Variants in RBFOX1 observed in about 807,000 individuals in gnomAD.
RBFOX1 encodes the protein RNA binding fox-1 homolog 1, also known as RNA binding protein fox-1 homolog 1.
A neutral mutation model predicts 57.7 loss-of-function variants in RBFOX1; 8 were observed. The ratio of observed to expected loss-of-function variants is 0.14; its 90% CI spans 0.08 to 0.25. RBFOX1 has a LOEUF of 0.25. Ranked by LOEUF, RBFOX1 falls within the 10% of genes least tolerant of loss-of-function variation. The pLI is 1.00. For missense variants in RBFOX1, 611 were observed against 548.5 expected, an observed-to-expected ratio of 1.11 and a Z score of -1.14; for synonymous variants, 326 against 222.4, an observed-to-expected ratio of 1.47 and a Z score of -4.15.
chr16:7,260,519 C>G (rs1023675084), intron 4 of RBFOX1, among the ~76,000 whole-genome samples: 12 of 152,082 alleles, frequency 7.9e-5, no homozygotes, highest in African/African-American at 2.9e-4. Context: ...TTAACTGCTT[C>G]TAGTCTCCCT....
intron 1 of RBFOX1, among the ~76,000 whole-genome samples, chr16:6,043,517 A>G (rs2343568): frequency 0.3 from 45,730 of 152,086 alleles, 7,416 homozygotes; most frequent in Non-Finnish European, 0.37. Flanking sequence ...AATGATTTCT[A>G]TTTGAATGCT....
chr16:5,369,501 A>G (rs987020469), intron 1 of RBFOX1, among the ~76,000 whole-genome samples: 11 of 152,124 alleles, frequency 7.2e-5, no homozygotes, highest in Non-Finnish European at 1.5e-4. Context: ...CACCTCATTT[A>G]ATGCTGAGGA....
intron 3 of RBFOX1, among the ~76,000 whole-genome samples, chr16:6,665,925 A>C (rs1046283505): frequency 2.0e-5 from 3 of 152,090 alleles, no homozygotes; most frequent in African/African-American, 7.2e-5. Context: ...GAGCTCCCAT[A>C]ATTCCCACAT....
At chr16:6,395,010 G>C (rs1596538630) in intron 2 of RBFOX1, among the ~76,000 whole-genome samples, 1 of 152,160 alleles carries the variant, frequency 6.6e-6, no homozygotes, top group Non-Finnish European at 1.5e-5. Context: ...GATAATCAGG[G>C]AAATTAAATG....
At chr16:6,083,970 G>T (rs1249918683) in intron 1 of RBFOX1, among the ~76,000 whole-genome samples, 1 of 152,136 alleles carries the variant, frequency 6.6e-6, no homozygotes, top group East Asian at 1.9e-4. Context: ...TTTTGATTTT[G>T]TTATTCAAAA....
At chr16:6,086,567 C>T (rs556453540) in intron 1 of RBFOX1, among the ~76,000 whole-genome samples, 2 of 152,086 alleles carry the variant, frequency 1.3e-5, no homozygotes, top group Admixed American at 6.6e-5. Context: ...TAGTACCTGA[C>T]GTGAAATGGA....
chr16:7,303,824 C>G (rs1204438508), intron 4 of RBFOX1, among the ~76,000 whole-genome samples: 2 of 151,086 alleles, frequency 1.3e-5, no homozygotes, highest in East Asian at 2.0e-4. Flanking sequence ...CTCTCTACCT[C>G]CGTCCCACCC....
chr16:7,031,331 C>T (rs1210213489), intron 3 of RBFOX1, among the ~76,000 whole-genome samples: 2 of 152,176 alleles, frequency 1.3e-5, no homozygotes, highest in Admixed American at 1.3e-4. Context: ...TGCTATGGCT[C>T]ATACCTGTAA....
intron 4 of RBFOX1, among the ~76,000 whole-genome samples, chr16:7,428,121 A>C (rs1005526467): frequency 5.3e-5 from 8 of 152,036 alleles, no homozygotes; most frequent in African/African-American, 1.9e-4. Context: ...TCCAAATCTG[A>C]ACTCCTTATA....
intron 4 of RBFOX1, among the ~76,000 whole-genome samples, chr16:7,446,653 C>T (rs900022670): frequency 1.3e-5 from 2 of 152,106 alleles, no homozygotes; most frequent in African/African-American, 4.8e-5. Flanking sequence ...CTTCTCTTTA[C>T]ACCAGCAGCC....
At chr16:6,904,654 C>T (rs940775219) in intron 3 of RBFOX1, among the ~76,000 whole-genome samples, 1 of 129,336 alleles carries the variant, frequency 7.7e-6, no homozygotes, top group African/African-American at 2.9e-5. Flanking sequence ...AAAATTCATA[C>T]ATCTTGTACC....
intron 1 of RBFOX1, among the ~76,000 whole-genome samples, chr16:6,020,577 G>A (rs1432437915): frequency 6.6e-6 from 1 of 152,142 alleles, no homozygotes; most frequent in Non-Finnish European, 1.5e-5. Context: ...GGGGCCAGCC[G>A]GGAAACCTGC....
intron 2 of RBFOX1, among the ~76,000 whole-genome samples, chr16:6,349,033 C>A (rs2085842121): frequency 1.3e-5 from 2 of 152,168 alleles, no homozygotes; most frequent in African/African-American, 2.4e-5. Flanking sequence ...GATCTTACAG[C>A]AGACTTCTTC....
At chr16:7,307,543 T>A (rs1045577354) in intron 4 of RBFOX1, among the ~76,000 whole-genome samples, 6 of 152,352 alleles carry the variant, frequency 3.9e-5, no homozygotes, top group African/African-American at 1.2e-4. Flanking sequence ...TATGTCCCAA[T>A]AACTTTTATC....
chr16:5,514,516 C>T (rs972860930), intron 2 of RBFOX1, among the ~76,000 whole-genome samples: 5 of 152,238 alleles, frequency 3.3e-5, no homozygotes, highest in Non-Finnish European at 7.4e-5. Context: ...TGAGAGGAGC[C>T]ATGAGTGACA....
intron 5 of RBFOX1, among the ~76,000 whole-genome samples, chr16:7,531,965 G>A (rs1253179402): frequency 6.6e-6 from 1 of 152,032 alleles, no homozygotes; most frequent in Non-Finnish European, 1.5e-5. Flanking sequence ...ATACCATTTG[G>A]CAAGCTCACA....
intron 3 of RBFOX1, among the ~76,000 whole-genome samples, chr16:7,030,998 A>C (rs1011125499): frequency 6.6e-6 from 1 of 152,236 alleles, no homozygotes; most frequent in African/African-American, 2.4e-5. Flanking sequence ...ATGATCCTGC[A>C]GAAAGAGGAC....
At chr16:5,481,755 A>G (rs2069551209) in intron 2 of RBFOX1, among the ~76,000 whole-genome samples, 1 of 152,184 alleles carries the variant, frequency 6.6e-6, no homozygotes, top group East Asian at 1.9e-4. Flanking sequence ...GGCTGCGAGT[A>G]TGAGACCAAG....
intron 1 of RBFOX1, among the ~76,000 whole-genome samples, chr16:6,273,340 GTT>G (rs544640090): frequency 0.019 from 1,685 of 89,892 alleles, 8 homozygotes; most frequent in African/African-American, 0.025. Flanking sequence ...GTTGTTGTTG[GTT>G]TTTTTTTTTT....
Sources: allele counts gnomAD v4.1 joint callset (sites outside exome capture counted in the v4.1 genomes callset), GRCh38; gene constraint gnomAD v4.1.1; transcripts MANE v1.5; gene names NCBI Gene and HGNC (gene_info 2026-07-23, HGNC 2026-07-21).